The following KHDRBS3 variants were observed in gnomAD, a reference collection of about 807,000 sequenced individuals.
KHDRBS3 encodes KH RNA binding domain containing, signal transduction associated 3, also known as KH domain-containing, RNA-binding, signal transduction-associated protein 3.
In KHDRBS3, 23 loss-of-function variants were observed where a neutral mutation model predicts 45.6. The observed-to-expected ratio is 0.50, with a 90% CI of 0.36 to 0.72. KHDRBS3 has a LOEUF of 0.72. Ranked by LOEUF, KHDRBS3 falls within the 30% of genes least tolerant of loss-of-function variation. The pLI is 0.00. For synonymous variants in KHDRBS3, 162 were observed against 156.5 expected (o/e 1.04, Z -0.26); for missense variants, 352 against 424.8 (o/e 0.83, Z 1.51).
At chr8:135,649,945 T>C (rs2131217013), downstream of KHDRBS3, among the ~76,000 whole-genome samples, 1 of 152,348 alleles carries the variant, frequency 6.6e-6, no homozygotes, top group Non-Finnish European at 1.5e-5. Flanking sequence ...GATCTTCTCT[T>C]ATCTGGCTGA....
chr8:135,462,769 A>G (rs1381015117), intron 1 of KHDRBS3, among the ~76,000 whole-genome samples: 1 of 152,136 alleles, frequency 6.6e-6, no homozygotes, highest in African/African-American at 2.4e-5. Flanking sequence ...TGTCAGAGTG[A>G]AGGGTCAAGC....
At chr8:135,570,975 G>C (rs892787568) in intron 5 of KHDRBS3, among the ~76,000 whole-genome samples, 7 of 152,186 alleles carry the variant, frequency 4.6e-5, no homozygotes, top group African/African-American at 1.7e-4. Context: ...AAAATCACTT[G>C]CATAGGCTTT....
At chr8:135,524,428 A>G (rs527874056) in intron 2 of KHDRBS3, among the ~76,000 whole-genome samples, 3 of 152,324 alleles carry the variant, frequency 2.0e-5, no homozygotes, top group Admixed American at 2.0e-4. Flanking sequence ...GATTGGTGTT[A>G]CTTATTCCTA....
At chr8:135,477,314 G>A (rs1349483521) in intron 1 of KHDRBS3, among the ~76,000 whole-genome samples, 1 of 152,128 alleles carries the variant, frequency 6.6e-6, no homozygotes, top group East Asian at 1.9e-4. Flanking sequence ...TTCAAAACCT[G>A]TGCTTTTTTT....
rs1586769228 is a variant in KHDRBS3, at chr8:135,591,344, CCTT to C, written c.807+9274_807+9276del. On this transcript the variant is annotated intron_variant, in intron 6 of 8. Coordinates refer to ENST00000355849, the MANE Select transcript of KHDRBS3 (RefSeq NM_006558.3). ...CTAAGGAATAATTGGTTTTACCAAT[CCTT>C]CTGCAACTACTGCAGGATGTCTTAT... Among the ~76,000 whole-genome samples the C allele has an allele frequency of 2.6e-5, 4 of 152,366 alleles. No homozygotes were observed. In the East Asian group the frequency reaches 7.7e-4, roughly 29 times the overall value.
chr8:135,581,688 G>C (rs1222892116), intron 5 of KHDRBS3, among the ~76,000 whole-genome samples, 190 bp from the exon 6 acceptor site: 1 of 152,176 alleles, frequency 6.6e-6, no homozygotes, highest in East Asian at 1.9e-4. Context: ...TAGACGAACT[G>C]CCTAAATGCC....
At chr8:135,555,472 A>G (rs1248877890) in intron 4 of KHDRBS3, among the ~76,000 whole-genome samples, 2 of 152,096 alleles carry the variant, frequency 1.3e-5, no homozygotes, top group Non-Finnish European at 2.9e-5. Context: ...GTGAAGCCAA[A>G]AAAATTGACC....
chr8:135,631,607 T>A (rs1000586954), intron 7 of KHDRBS3, among the ~76,000 whole-genome samples: 1 of 152,186 alleles, frequency 6.6e-6, no homozygotes, highest in Admixed American at 6.5e-5. Context: ...AGCTGTCATC[T>A]CCTAGGATAA....
intron 1 of KHDRBS3, among the ~76,000 whole-genome samples, chr8:135,491,530 A>G (rs908753472): frequency 1.3e-5 from 2 of 152,218 alleles, no homozygotes; most frequent in African/African-American, 2.4e-5. Flanking sequence ...GTATGTGTGT[A>G]TACATTTAAT....
downstream of KHDRBS3, among the ~76,000 whole-genome samples, chr8:135,652,492 C>G (rs1831449238): frequency 6.6e-6 from 1 of 152,204 alleles, no homozygotes; most frequent in Non-Finnish European, 1.5e-5. Flanking sequence ...ATGCTCTGAC[C>G]CCAGCCCACT....
chr8:135,624,992 C>G (rs539621090), intron 7 of KHDRBS3, among the ~76,000 whole-genome samples: 1 of 152,122 alleles, frequency 6.6e-6, no homozygotes, highest in East Asian at 1.9e-4. Flanking sequence ...TGCTCTGCTA[C>G]AAGGTAAAAG....
At chr8:135,567,465 T>G (rs1827484937) in intron 5 of KHDRBS3, among the ~76,000 whole-genome samples, 2 of 152,236 alleles carry the variant, frequency 1.3e-5, no homozygotes, top group Non-Finnish European at 2.9e-5. Flanking sequence ...ATACATCTTT[T>G]CTGAGCATGT....
At chr8:135,597,334 A>C (rs1049316274) in intron 6 of KHDRBS3, among the ~76,000 whole-genome samples, 12 of 152,166 alleles carry the variant, frequency 7.9e-5, no homozygotes, top group Non-Finnish European at 1.5e-4. Flanking sequence ...ATTCCACCAC[A>C]ATGGACATTA....
intron 6 of KHDRBS3, among the ~76,000 whole-genome samples, chr8:135,605,254 G>C (rs1198660147): frequency 6.6e-6 from 1 of 151,936 alleles, no homozygotes; most frequent in Admixed American, 6.6e-5. Context: ...GGGTCTGTCA[G>C]TATTTATATG....
Position 135,457,760 on chromosome 8 carries a change from C to G in KHDRBS3, c.-107C>G. ...CCCGGCTTGGCCGCTGCTGCCGCGT[C>G]TGGCCCCCGGGTCCCCGCCGCTGGG... is the stretch of plus-strand genomic sequence containing the variant. On this transcript the variant is annotated 5_prime_UTR_variant, in exon 1 of 9. Coordinates refer to ENST00000355849, the MANE Select transcript of KHDRBS3 (RefSeq NM_006558.3). The surrounding 1 kb of genome is among the most constrained non-coding windows in gnomAD (Gnocchi z 4.4). 2.5e-6 allele frequency: 1 copy of G among 392,862 alleles called. No individual in the cohort carries two copies. The highest frequency in any genetic ancestry group is 9.4e-5 in the South Asian group (1 of 10,660). 24.3% of individuals were successfully genotyped at this position (392,862 alleles called of 1,614,324 possible).
intron 2 of KHDRBS3, among the ~76,000 whole-genome samples, chr8:135,530,098 G>C (rs1048706518): frequency 4.6e-5 from 7 of 151,492 alleles, no homozygotes; most frequent in African/African-American, 9.7e-5. Flanking sequence ...GATGAATTTT[G>C]TTATATTTAA....
chr8:135,550,734 A>G (rs911855658), intron 4 of KHDRBS3, among the ~76,000 whole-genome samples: 8 of 151,964 alleles, frequency 5.3e-5, no homozygotes, highest in African/African-American at 1.9e-4. Context: ...GTGTTTTAGG[A>G]TCAGCTTCTT....
At chr8:135,525,401 G>T (rs926235671) in intron 2 of KHDRBS3, among the ~76,000 whole-genome samples, 3 of 152,084 alleles carry the variant, frequency 2.0e-5, no homozygotes, top group South Asian at 4.1e-4. Flanking sequence ...TCAGCACTAT[G>T]GTTTTCTCAG....
chr8:135,607,224 A>G (rs549701331), intron 7 of KHDRBS3, among the ~76,000 whole-genome samples, 187 bp downstream of exon 7: 1 of 152,362 alleles, frequency 6.6e-6, no homozygotes, highest in African/African-American at 2.4e-5. Flanking sequence ...CAAGTTTACT[A>G]TAATGTTAAA....
Sources: gnomAD v4.1 joint callset for allele counts (sites outside exome capture counted in the v4.1 genomes callset) on GRCh38, gnomAD v4.1.1 for gene constraint, Gnocchi (gnomAD v3.1) non-coding constraint, MANE v1.5 for transcripts, NCBI Gene and HGNC (gene_info 2026-07-23, HGNC 2026-07-21) for gene names.